The following NUBPL variants were observed in gnomAD, a reference collection of about 807,000 sequenced individuals.
NUBPL encodes iron-sulfur cluster transfer protein NUBPL.
A neutral mutation model predicts 45.7 loss-of-function variants in NUBPL; 31 were observed. That is an observed-to-expected ratio of 0.68 (90% CI 0.51 to 0.92). NUBPL has a LOEUF of 0.92. Among genes scored for constraint, NUBPL ranks in the 40% least tolerant of loss-of-function variants. The pLI is 0.00. For synonymous variants in NUBPL, 144 were observed against 140.9 expected (o/e 1.02, Z -0.15); for missense variants, 401 against 398.7 (o/e 1.01, Z -0.05).
At chr14:31,843,844 T>C (rs2138985514) in intron 8 of NUBPL, 1 of 152,350 alleles carries the variant, frequency 6.6e-6, no homozygotes, top group South Asian at 2.1e-4. Flanking sequence ...CCCTATACTT[T>C]GCTTCCAGAG....
intron 7 of NUBPL, among the ~76,000 whole-genome samples, chr14:31,799,101 A>G (rs751121822): frequency 6.6e-5 from 10 of 152,184 alleles, no homozygotes; most frequent in Admixed American, 1.3e-4. Flanking sequence ...TGAGAATAAA[A>G]TCAGATGTTT....
In NUBPL at chr14:31,829,838, TC is replaced by T. The variant is rs144861249; in HGVS notation, c.693+3125del. On this transcript the variant is annotated intron_variant, in intron 8 of 10. Coordinates refer to ENST00000281081, the MANE Select transcript of NUBPL (RefSeq NM_025152.3). Reference sequence around the variant, plus strand: ...GGAGAAGAGATGAGCTATTAAATTCTCTGTTCTCTGCCTGAAATGATAGCAA... The same window carrying T: ...GGAGAAGAGATGAGCTATTAAATTCTTGTTCTCTGCCTGAAATGATAGCAA... Among the ~76,000 whole-genome samples, 772 of 152,326 alleles carry T rather than the reference TC, an allele frequency of 5.1e-3. 10 individuals carry two copies. Among genetic ancestry groups the T allele is most frequent in the African/African-American group, 0.017 (726 of 41,564 alleles).
At chr14:31,809,533 G>C (rs1434810012) in intron 7 of NUBPL, among the ~76,000 whole-genome samples, 2 of 152,176 alleles carry the variant, frequency 1.3e-5, no homozygotes, top group East Asian at 1.9e-4. Flanking sequence ...CTTGCTAGCA[G>C]TCTGTCAATT....
At chr14:31,709,785 G>GGGGTT (rs2037530367) in intron 6 of NUBPL, among the ~76,000 whole-genome samples, 4 of 152,166 alleles carry the variant, frequency 2.6e-5, no homozygotes, top group Non-Finnish European at 4.4e-5. Flanking sequence ...GGACATAACC[G>GGGGTT]ATAGCCCAGG....
chr14:31,669,527 CAT>C (rs1003481273), intron 4 of NUBPL, among the ~76,000 whole-genome samples: 19 of 151,694 alleles, frequency 1.3e-4, no homozygotes, highest in South Asian at 4.2e-4. Flanking sequence ...TAGCTAAACA[CAT>C]GTCACAGGGG....
Position 31,841,917 on chromosome 14 carries a change from C to CTTTTTTTTTTT in NUBPL, c.694-4533_694-4523dup, listed in dbSNP as rs547795007. 4.9e-4 allele frequency among the ~76,000 whole-genome samples: 21 copies of CTTTTTTTTTTT among 43,030 alleles called. 5 individuals are homozygous for CTTTTTTTTTTT. Among genetic ancestry groups the CTTTTTTTTTTT allele is most frequent in the African/African-American group, 1.5e-3 (16 of 10,810 alleles). The allele number at this position is 43,030 out of a possible 152,430, so 28.2% of individuals were successfully genotyped here. A position where few individuals can be genotyped will look rare whatever the true frequency, so the allele number is the denominator to read the frequency against. On this transcript the variant is annotated intron_variant, in intron 8 of 10. Coordinates refer to ENST00000281081, the MANE Select transcript of NUBPL (RefSeq NM_025152.3). The stretch of plus-strand genomic sequence containing the variant: ...CTTTCATGTATGGGTCGATTCTGGG[C>CTTTTTTTTTTT]TTTTTTTTTTTTTTTTTTTTTTTTT...
intron 7 of NUBPL, among the ~76,000 whole-genome samples, chr14:31,825,684 CTTTT>C (rs200152733): frequency 0.012 from 1,541 of 131,294 alleles, 25 homozygotes; most frequent in African/African-American, 0.043. Flanking sequence ...TTTTCTCTTT[CTTTT>C]GTTCTTTCTT....
chr14:31,779,965 A>G (rs1171747140), intron 6 of NUBPL, among the ~76,000 whole-genome samples: 1 of 152,230 alleles, frequency 6.6e-6, no homozygotes, highest in African/African-American at 2.4e-5. Context: ...TCCTGAAGCC[A>G]GGCATTTTAT....
chr14:31,613,260 G>A (rs1304830651), intron 4 of NUBPL, among the ~76,000 whole-genome samples: 1 of 152,140 alleles, frequency 6.6e-6, no homozygotes, highest in Non-Finnish European at 1.5e-5. Context: ...TGAACTCATG[G>A]ACAGAGAGAG....
At chr14:31,591,218 A>C (rs923206245) in intron 3 of NUBPL, among the ~76,000 whole-genome samples, 1 of 152,218 alleles carries the variant, frequency 6.6e-6, no homozygotes, top group Non-Finnish European at 1.5e-5. Context: ...GCTGGAATGC[A>C]ATGGTGTAAT....
In NUBPL at chr14:31,776,734, C is replaced by A. The variant is rs548884764; in HGVS notation, c.514-11046C>A. Among the ~76,000 whole-genome samples, 59 of 152,326 alleles carry A rather than the reference C, an allele frequency of 3.9e-4. 1 individual carries two copies. Among genetic ancestry groups the A allele is most frequent in the African/African-American group, 1.3e-3 (52 of 41,568 alleles). On this transcript the variant is annotated intron_variant, in intron 6 of 10. Transcript: ENST00000281081. ...AAAAGTTTACCAGATTGGTCTAATA[C>A]AGTTCCAAATCGCCCCTTTATTATG...
At chr14:31,716,301 A>C (rs1021101777) in intron 6 of NUBPL, among the ~76,000 whole-genome samples, 4 of 152,224 alleles carry the variant, frequency 2.6e-5, no homozygotes, top group African/African-American at 9.6e-5. Flanking sequence ...TGTAGTAAAT[A>C]AACCAGTGAC....
At chr14:31,654,218 C>A in intron 4 of NUBPL, 3 of 326,734 alleles carry the variant, frequency 9.2e-6, no homozygotes, top group Non-Finnish European at 1.3e-5. Context: ...TGTGAAATAG[C>A]ATTATGTCTA....
At chr14:31,850,021 A>C in intron 9 of NUBPL, 98 bp from the exon 10 acceptor site, 1 of 840,680 alleles carries the variant, frequency 1.2e-6, no homozygotes, top group Non-Finnish European at 2.0e-6. Context: ...GAATCAATTT[A>C]GTTCCGATTT....
chr14:31,564,727 A>G (rs549814886), intron 2 of NUBPL, among the ~76,000 whole-genome samples: 1 of 152,298 alleles, frequency 6.6e-6, no homozygotes, highest in East Asian at 1.9e-4. Flanking sequence ...TATTTGAACA[A>G]AATTGTAACA....
chr14:31,697,485 C>G (rs189322061), intron 6 of NUBPL, among the ~76,000 whole-genome samples: 7 of 152,310 alleles, frequency 4.6e-5, no homozygotes, highest in African/African-American at 7.2e-5. Flanking sequence ...CAGAAGCATG[C>G]CTTTTTTACT....
chr14:31,612,306 G>C (rs1483328458), intron 4 of NUBPL, among the ~76,000 whole-genome samples: 4 of 152,224 alleles, frequency 2.6e-5, no homozygotes, highest in Non-Finnish European at 5.9e-5. Flanking sequence ...GATAAAAAAT[G>C]GACAACAGAT....
intron 6 of NUBPL, among the ~76,000 whole-genome samples, chr14:31,729,444 A>G (rs147108530): frequency 3.5e-4 from 53 of 152,320 alleles, no homozygotes; most frequent in African/African-American, 1.3e-3. Flanking sequence ...GTCAAGTTTA[A>G]TAGTATTCCA....
intron 4 of NUBPL, among the ~76,000 whole-genome samples, chr14:31,626,939 G>C (rs202162627): frequency 6.6e-6 from 1 of 151,612 alleles, no homozygotes; most frequent in Non-Finnish European, 1.5e-5. Flanking sequence ...ATCATGAAGG[G>C]AGTACATCAG....
Sources: allele counts gnomAD v4.1 joint callset (sites outside exome capture counted in the v4.1 genomes callset), GRCh38; gene constraint gnomAD v4.1.1; transcripts MANE v1.5; gene names NCBI Gene and HGNC (gene_info 2026-07-23, HGNC 2026-07-21).